Variants in CTNNA3 observed in about 807,000 individuals in gnomAD.
CTNNA3 encodes the protein catenin alpha 3, also known as catenin alpha-3.
In CTNNA3, 76 loss-of-function variants were observed where a neutral mutation model predicts 95.7. That is an observed-to-expected ratio of 0.79 (90% CI 0.66 to 0.96). CTNNA3 has a LOEUF of 0.96. Ranked by LOEUF, CTNNA3 falls within the 40% of genes least tolerant of loss-of-function variation. The pLI, the probability that CTNNA3 is intolerant of heterozygous loss-of-function variation, is 0.00. For missense variants in CTNNA3, 1,191 were observed against 1,089.8 expected, an observed-to-expected ratio of 1.09 and a Z score of -1.31; for synonymous variants, 431 against 374.4, an observed-to-expected ratio of 1.15 and a Z score of -1.74.
intron 5 of CTNNA3, among the ~76,000 whole-genome samples, chr10:67,375,142 G>C (rs930319224): frequency 6.6e-6 from 1 of 152,164 alleles, no homozygotes; most frequent in Non-Finnish European, 1.5e-5. Context: ...AGAGACATCA[G>C]AGGATCTAGT....
chr10:66,214,089 A>G (rs2088355832), intron 13 of CTNNA3, among the ~76,000 whole-genome samples: 1 of 152,184 alleles, frequency 6.6e-6, no homozygotes, highest in African/African-American at 2.4e-5. Context: ...ACGATAAGAA[A>G]AAAAGATTCA....
intron 1 of CTNNA3, among the ~76,000 whole-genome samples, chr10:67,731,361 T>C (rs1841272649): frequency 6.6e-6 from 1 of 151,372 alleles, no homozygotes; most frequent in Non-Finnish European, 1.5e-5. Flanking sequence ...CTACTAAAAA[T>C]ACAAAAATTA....
At chr10:67,575,710 C>T (rs1464905165) in intron 3 of CTNNA3, among the ~76,000 whole-genome samples, 1 of 152,186 alleles carries the variant, frequency 6.6e-6, no homozygotes, top group African/African-American at 2.4e-5. Context: ...GCAGACTCCT[C>T]ATATCATATT....
chr10:67,292,640 G>T (rs568475302), intron 5 of CTNNA3, among the ~76,000 whole-genome samples: 2 of 152,076 alleles, frequency 1.3e-5, no homozygotes, highest in African/African-American at 4.8e-5. Context: ...TACTCTAAGG[G>T]ATAGAACAAT....
chr10:67,156,648 A>AAT (rs1231310086), intron 7 of CTNNA3, among the ~76,000 whole-genome samples: 1 of 152,130 alleles, frequency 6.6e-6, no homozygotes, highest in African/African-American at 2.4e-5. Flanking sequence ...AGAAAAAAAA[A>AAT]ATACTTGGTA....
At chr10:66,718,086 G>C (rs916365864) in intron 9 of CTNNA3, among the ~76,000 whole-genome samples, 1 of 151,746 alleles carries the variant, frequency 6.6e-6, no homozygotes, top group Non-Finnish European at 1.5e-5. Flanking sequence ...AACTTTTATA[G>C]TTTCTGTGAA....
chr10:66,526,140 G>C (rs1258484140), intron 10 of CTNNA3, among the ~76,000 whole-genome samples: 1 of 152,024 alleles, frequency 6.6e-6, no homozygotes, highest in East Asian at 1.9e-4. Context: ...CTCAAGTCTT[G>C]GCTTGCAATT....
intron 13 of CTNNA3, among the ~76,000 whole-genome samples, chr10:66,142,922 G>C (rs1259449569): frequency 6.6e-6 from 1 of 152,074 alleles, no homozygotes; most frequent in Non-Finnish European, 1.5e-5. Context: ...GTCTTTTTAA[G>C]GCGGTGAATA....
intron 12 of CTNNA3, among the ~76,000 whole-genome samples, chr10:66,360,731 TCTTTCTTTCTTTCTTCCTTCCTTC>T (rs1326465156): frequency 4.2e-5 from 3 of 71,858 alleles, no homozygotes. Context: ...TTCCTTTCTT[TCTTTCTTTCTTTCTTCCTTCCTTC>T]CTTCCTTCCT....
Position 65,914,572 on chromosome 10 carries a change from A to G in CTNNA3, c.*5758T>C, listed in dbSNP as rs974458938. On this transcript the variant is annotated 3_prime_UTR_variant, in exon 18 of 18. Transcript: ENST00000433211. ...TACAGTTTGGGTAAATTTCAAATAC[A>G]GGGAAACTTTATCCTACTACAATAA... 1.3e-5 allele frequency: 2 copies of G among 152,208 alleles called. No individual in the cohort carries two copies. The highest frequency in any genetic ancestry group is 6.5e-5 in the Admixed American group (1 of 15,282). The allele number at this position is 152,208 out of a possible 1,614,324, so 9.4% of individuals were successfully genotyped here.
At chr10:66,472,017 C>T (rs536429137) in intron 11 of CTNNA3, among the ~76,000 whole-genome samples, 95 of 152,040 alleles carry the variant, frequency 6.2e-4, no homozygotes, top group Admixed American at 1.5e-3. Flanking sequence ...CTATTTAGTT[C>T]ATTATGGGCA....
intron 1 of CTNNA3, among the ~76,000 whole-genome samples, chr10:67,689,693 GCTCAGC>G (rs1232309045): frequency 6.6e-6 from 1 of 152,014 alleles, no homozygotes; most frequent in Admixed American, 6.6e-5. Context: ...TCAACCCTCG[GCTCAGC>G]CTGGAAGTAC....
intron 13 of CTNNA3, among the ~76,000 whole-genome samples, chr10:66,139,603 G>C (rs2083512635): frequency 6.6e-6 from 1 of 152,106 alleles, no homozygotes; most frequent in Non-Finnish European, 1.5e-5. Flanking sequence ...AGTGAGGGTT[G>C]TGTTCCCCCC....
At chr10:66,786,425 T>C (rs10997383) in intron 7 of CTNNA3, among the ~76,000 whole-genome samples, 13,513 of 152,158 alleles carry the variant, frequency 0.089, 1,330 homozygotes, top group African/African-American at 0.23. Context: ...TAAAAAGCAA[T>C]TAAGTTCTCT....
chr10:66,918,604 G>T (rs1229780625), intron 7 of CTNNA3, among the ~76,000 whole-genome samples: 2 of 152,188 alleles, frequency 1.3e-5, no homozygotes, highest in Non-Finnish European at 2.9e-5. Context: ...AAGTCCAAAT[G>T]ACGTGGCATC....
intron 6 of CTNNA3, among the ~76,000 whole-genome samples, chr10:67,187,083 T>G (rs10997558): frequency 0.099 from 15,045 of 152,168 alleles, 1,256 homozygotes; most frequent in African/African-American, 0.23. Flanking sequence ...TTATTTTTCT[T>G]CCTACCACTT....
chr10:67,319,826 G>A (rs977404966), intron 5 of CTNNA3, among the ~76,000 whole-genome samples: 1 of 150,382 alleles, frequency 6.6e-6, no homozygotes, highest in Non-Finnish European at 1.5e-5. Context: ...AACCTGGGAG[G>A]TGGAGGTTCC....
intron 15 of CTNNA3, among the ~76,000 whole-genome samples, chr10:66,049,810 G>A (rs2079909376): frequency 6.6e-6 from 1 of 152,090 alleles, no homozygotes; most frequent in Non-Finnish European, 1.5e-5. Flanking sequence ...AGGGTGGGAG[G>A]AGGAGAGGAG....
At chr10:66,875,046 G>C (rs1176785334) in intron 7 of CTNNA3, among the ~76,000 whole-genome samples, 2 of 152,172 alleles carry the variant, frequency 1.3e-5, no homozygotes, top group African/African-American at 2.4e-5. Flanking sequence ...ATCATAGGTG[G>C]ATTAGATGCA....
Sources: gnomAD v4.1 joint callset for allele counts (sites outside exome capture counted in the v4.1 genomes callset) on GRCh38, gnomAD v4.1.1 for gene constraint, MANE v1.5 for transcripts, NCBI Gene and HGNC (gene_info 2026-07-23, HGNC 2026-07-21) for gene names.